The following LRMDA variants were observed in gnomAD, a reference collection of about 807,000 sequenced individuals.
LRMDA encodes leucine rich melanocyte differentiation associated, also known as leucine-rich melanocyte differentiation-associated protein.
In LRMDA, 18 loss-of-function variants were observed where a neutral mutation model predicts 29.8. That is an observed-to-expected ratio of 0.60 (90% CI 0.42 to 0.90). The LOEUF is 0.90. Among genes scored for constraint, LRMDA ranks in the 40% least tolerant of loss-of-function variants. The pLI, the probability that LRMDA is intolerant of heterozygous loss-of-function variation, is 0.00. For synonymous variants in LRMDA, 125 were observed against 109.4 expected (o/e 1.14, Z -0.89); for missense variants, 273 against 273.9 (o/e 1.00, Z 0.02).
At chr10:75,881,666 C>T (rs1389278594) in intron 2 of LRMDA, among the ~76,000 whole-genome samples, 2 of 152,210 alleles carry the variant, frequency 1.3e-5, no homozygotes, top group African/African-American at 2.4e-5. Flanking sequence ...ACTTCATTTG[C>T]ATGGGGTGAA....
chr10:76,429,023 T>TATACACACAC (rs1842160765), intron 6 of LRMDA, among the ~76,000 whole-genome samples: 1 of 149,846 alleles, frequency 6.7e-6, no homozygotes, highest in Admixed American at 6.7e-5. Context: ...CTGCCAATTA[T>TATACACACAC]ACACACACAC....
chr10:75,875,599 A>T (rs1554831191), intron 2 of LRMDA, among the ~76,000 whole-genome samples: 2 of 151,940 alleles, frequency 1.3e-5, no homozygotes, highest in Non-Finnish European at 2.9e-5. Context: ...TGCCCAGCTA[A>T]TTTTTTGCAT....
intron 2 of LRMDA, among the ~76,000 whole-genome samples, chr10:75,683,622 G>C (rs1463159993): frequency 3.9e-5 from 6 of 152,222 alleles, no homozygotes; most frequent in Admixed American, 3.9e-4. Flanking sequence ...TGTCAGGCAA[G>C]GTTCCTAGGT....
Position 75,664,430 on chromosome 10 carries a change from G to T in LRMDA, c.131+225936G>T, listed in dbSNP as rs533373713. ...ATGGGCTTGGTGCCAGGGATACAAAGTTGGGTGATAGTCTGACTTTGCCTG... is the reference window on the plus strand; with the variant it reads ...ATGGGCTTGGTGCCAGGGATACAAATTTGGGTGATAGTCTGACTTTGCCTG... On this transcript the variant is annotated intron_variant, in intron 2 of 6. Transcript: ENST00000611255. 4.6e-5 allele frequency among the ~76,000 whole-genome samples: 7 copies of T among 152,312 alleles called. No individual in the cohort carries two copies. In the East Asian group the frequency reaches 1.4e-3, roughly 29 times the overall value.
At chr10:75,610,657 T>TGGCAGA (rs1260545926) in intron 2 of LRMDA, among the ~76,000 whole-genome samples, 1 of 152,164 alleles carries the variant, frequency 6.6e-6, no homozygotes, top group Non-Finnish European at 1.5e-5. Flanking sequence ...CATGTTCGGG[T>TGGCAGA]GGCAGAGGCA....
intron 2 of LRMDA, among the ~76,000 whole-genome samples, chr10:75,677,732 C>A (rs990565557): frequency 2.6e-5 from 4 of 152,128 alleles, no homozygotes; most frequent in African/African-American, 9.7e-5. Context: ...TGATGATTAA[C>A]AGTGTGGATT....
chr10:76,257,783 T>A (rs527341735), intron 5 of LRMDA, among the ~76,000 whole-genome samples: 9 of 152,232 alleles, frequency 5.9e-5, no homozygotes, highest in African/African-American at 1.7e-4. Context: ...GAGTTATATA[T>A]AAGGTCACAG....
At chr10:76,306,294 A>G (rs1048201072) in intron 5 of LRMDA, among the ~76,000 whole-genome samples, 3 of 152,262 alleles carry the variant, frequency 2.0e-5, no homozygotes, top group Non-Finnish European at 4.4e-5. Context: ...CACTGAGAGC[A>G]TGTGGGCTCT....
At chr10:75,435,270 A>G (rs182275052) in intron 1 of LRMDA, among the ~76,000 whole-genome samples, 2 of 152,272 alleles carry the variant, frequency 1.3e-5, no homozygotes, top group South Asian at 2.1e-4. Flanking sequence ...GAAGCAAACT[A>G]TTTTTGGTTT....
chr10:75,524,286 T>G (rs1845391474), intron 2 of LRMDA, among the ~76,000 whole-genome samples: 1 of 152,162 alleles, frequency 6.6e-6, no homozygotes, highest in African/African-American at 2.4e-5. Context: ...TAATTGACCT[T>G]CAGGTAGAGT....
chr10:75,890,382 C>A (rs1037831947), intron 2 of LRMDA, among the ~76,000 whole-genome samples: 5 of 152,290 alleles, frequency 3.3e-5, no homozygotes, highest in Admixed American at 2.0e-4. Context: ...GAATAGCATA[C>A]CCTTCCCTGA....
intron 5 of LRMDA, among the ~76,000 whole-genome samples, chr10:76,258,001 C>T (rs1161489549): frequency 6.6e-6 from 1 of 152,184 alleles, no homozygotes; most frequent in Non-Finnish European, 1.5e-5. Context: ...TGCTCAAGTA[C>T]CTTTTAGGCA....
intron 2 of LRMDA, among the ~76,000 whole-genome samples, chr10:75,680,492 C>CAT (rs775225050): frequency 0.011 from 1,626 of 150,358 alleles, 25 homozygotes; most frequent in African/African-American, 0.035. Context: ...CTTTACTTTT[C>CAT]ATATATATAT....
chr10:75,475,361 C>T (rs923430600), intron 2 of LRMDA, among the ~76,000 whole-genome samples: 1 of 151,662 alleles, frequency 6.6e-6, no homozygotes, highest in Non-Finnish European at 1.5e-5. Context: ...GACCCAGGAG[C>T]CTGGGTGAGG....
In LRMDA at chr10:75,591,034, G is replaced by A. The variant is rs1209198178; in HGVS notation, c.131+152540G>A. Among the ~76,000 whole-genome samples, 5 of 152,134 alleles carry A rather than the reference G, an allele frequency of 3.3e-5. 1 individual carries two copies. In the South Asian group the frequency reaches 1.0e-3, roughly 32 times the overall value. On this transcript the variant is annotated intron_variant, in intron 2 of 6. Transcript: ENST00000611255. The stretch of plus-strand genomic sequence containing the variant: ...TGGGATTACAGGCATGAGCCACCGC[G>A]CCAGGTCAGCAGTCATTTCTTTCTA...
intron 2 of LRMDA, among the ~76,000 whole-genome samples, chr10:75,495,030 TC>T (rs889917670): frequency 3.9e-5 from 6 of 152,140 alleles, no homozygotes; most frequent in African/African-American, 1.4e-4. Flanking sequence ...TTTTTAGAAA[TC>T]TTATGTAGCC....
intron 2 of LRMDA, among the ~76,000 whole-genome samples, chr10:75,721,187 C>T (rs1208096467): frequency 6.6e-6 from 1 of 152,146 alleles, no homozygotes; most frequent in South Asian, 2.1e-4. Flanking sequence ...AGTTTCAAAG[C>T]CATCCAAGCT....
At chr10:76,393,232 CTG>C (rs1383007054) in intron 6 of LRMDA, among the ~76,000 whole-genome samples, 1 of 152,074 alleles carries the variant, frequency 6.6e-6, no homozygotes. Context: ...TGTATAATAA[CTG>C]TATTTTTAAT....
chr10:75,534,570 A>C (rs76564211), intron 2 of LRMDA, among the ~76,000 whole-genome samples: 88 of 152,340 alleles, frequency 5.8e-4, no homozygotes, highest in Non-Finnish European at 1.1e-3. Flanking sequence ...CTTTTAAGTC[A>C]AGGACTGCTT....
Sources: allele counts gnomAD v4.1 joint callset (sites outside exome capture counted in the v4.1 genomes callset), GRCh38; gene constraint gnomAD v4.1.1; transcripts MANE v1.5; gene names NCBI Gene and HGNC (gene_info 2026-07-23, HGNC 2026-07-21).